The following PALS1 variants were observed in gnomAD, a reference collection of about 807,000 sequenced individuals.
PALS1 encodes protein PALS1.
A neutral mutation model predicts 78.9 loss-of-function variants in PALS1; 31 were observed. The ratio of observed to expected loss-of-function variants is 0.39; its 90% CI spans 0.30 to 0.53. The LOEUF is 0.53. Among genes scored for constraint, PALS1 ranks in the 20% least tolerant of loss-of-function variants. The probability of loss-of-function intolerance (pLI) is 0.67; values close to 1 mark genes in which losing one functional copy is unlikely to be tolerated. For missense variants in PALS1, 704 were observed against 826.5 expected (o/e 0.85, Z 1.82); for synonymous variants, 276 against 270.9 (o/e 1.02, Z -0.18).
intron 1 of PALS1, among the ~76,000 whole-genome samples, chr14:67,247,613 T>C (rs1831991414): frequency 6.6e-6 from 1 of 152,046 alleles, no homozygotes; most frequent in African/African-American, 2.4e-5. Flanking sequence ...AGGGTCTCAC[T>C]CTATCCCCAG....
chr14:67,313,630 G>A (rs1010048209), intron 9 of PALS1, among the ~76,000 whole-genome samples: 1 of 152,132 alleles, frequency 6.6e-6, no homozygotes, highest in East Asian at 1.9e-4. Flanking sequence ...GATAAAAATA[G>A]GGATATAGAG....
chr14:67,301,213 CTGT>C (rs1595598116), intron 4 of PALS1, among the ~76,000 whole-genome samples, 173 bp from the exon 5 acceptor site: 1 of 151,870 alleles, frequency 6.6e-6, no homozygotes, highest in East Asian at 1.9e-4. Flanking sequence ...ATAAGAAATA[CTGT>C]TGTTTTATCC....
At chr14:67,295,489 C>CA (rs149488871) in intron 4 of PALS1, among the ~76,000 whole-genome samples, 22,739 of 112,740 alleles carry the variant, frequency 0.2, 3,156 homozygotes, top group East Asian at 0.47. Context: ...GACCCTGTCT[C>CA]AAAAAAAAAA....
chr14:67,292,548 A>G lies in PALS1; in HGVS notation c.405A>G (p.Gln135=), dbSNP rs1299599689. The part of the protein sequence containing the change: ...EDLFSSLKHI[Q]HTLVDSQSQE... ...TGTTTTCTTCACTTAAACATATCCA[A>G]CATACTTTGGTAGATTCTCAGAGCC... The change falls in exon 4 of 15, where the codon CAA becomes CAG. Residue 135 remains glutamine, a synonymous_variant. Transcript: ENST00000261681. 22 of 1,613,186 alleles carry G rather than the reference A, an allele frequency of 1.4e-5. No homozygotes were observed. Among genetic ancestry groups the G allele is most frequent in the African/African-American group, 2.7e-5 (2 of 74,904 alleles).
At chr14:67,295,104 A>AGTGTGTGTGTGTGTGTGTGTGT (rs10646700) in intron 4 of PALS1, 10 of 138,012 alleles carry the variant, frequency 7.2e-5, no homozygotes, top group African/African-American at 2.9e-4. Flanking sequence ...GAGATATTGA[A>AGTGTGTGTGTGTGTGTGTGTGT]GTGTGTGTGT....
chr14:67,266,164 A>G (rs1351388634), intron 1 of PALS1, among the ~76,000 whole-genome samples: 2 of 152,186 alleles, frequency 1.3e-5, no homozygotes, highest in East Asian at 3.9e-4. Context: ...TACTTTGAAT[A>G]TATGTTTAAA....
chr14:67,246,690 C>T (rs962492826), intron 1 of PALS1, among the ~76,000 whole-genome samples: 6 of 124,466 alleles, frequency 4.8e-5, no homozygotes, highest in Admixed American at 2.0e-4. Context: ...CTTGCTCTCT[C>T]GCCAGGCTGG....
rs1432692779 is a variant in PALS1 at position 67,334,779 on chromosome 14, T to C, written c.*1823T>C. On this transcript the variant is annotated 3_prime_UTR_variant, in exon 15 of 15. Transcript: ENST00000261681. ...AAATTTCACAGGTCACACCGATTTT[T>C]AGCATTAAAAACTAAGGAATATACT... 6.6e-6 allele frequency: 1 copy of C among 152,244 alleles called. No homozygotes were observed. Among genetic ancestry groups the C allele is most frequent in the Non-Finnish European group, 1.5e-5 (1 of 68,042 alleles). 9.4% of individuals were successfully genotyped at this position (152,244 alleles called of 1,614,324 possible).
At chr14:67,266,869 G>A (rs2084334707) in intron 1 of PALS1, among the ~76,000 whole-genome samples, 1 of 151,968 alleles carries the variant, frequency 6.6e-6, no homozygotes, top group Admixed American at 6.5e-5. Context: ...CAGCATGTTG[G>A]GAGGCCGAGG....
In PALS1 at chr14:67,256,318, G is replaced by A. The variant is rs1056328099; in HGVS notation, c.-236-13383G>A. 1.3e-3 allele frequency among the ~76,000 whole-genome samples: 192 copies of A among 152,116 alleles called. 1 individual carries two copies. Among genetic ancestry groups the A allele is most frequent in the African/African-American group, 1.3e-3 (54 of 41,514 alleles). ...TCTGAAGCTTGCCTTTTTCACTTGC[G>A]TTTGTTTCATGTCAGTTCATAAAGA... On this transcript the variant is annotated intron_variant, in intron 1 of 14. Transcript: ENST00000261681.
chr14:67,294,153 A>T (rs2084811219), intron 4 of PALS1, among the ~76,000 whole-genome samples: 1 of 152,198 alleles, frequency 6.6e-6, no homozygotes, highest in African/African-American at 2.4e-5. Flanking sequence ...AGGATAGTTC[A>T]CTATTTTAAA....
intron 14 of PALS1, among the ~76,000 whole-genome samples, chr14:67,326,251 T>C: frequency 8.2e-6 from 1 of 122,630 alleles, no homozygotes; most frequent in Non-Finnish European, 1.7e-5. Flanking sequence ...TTTTTTTTTT[T>C]TTTTTTTTGA....
chr14:67,303,667 T>A, intron 8 of PALS1, 68 bp downstream of exon 8: 5 of 1,097,462 alleles, frequency 4.6e-6, no homozygotes, highest in Non-Finnish European at 7.0e-6. Flanking sequence ...TACTGTTTAC[T>A]GTTACAGAAA....
chr14:67,300,459 C>G (rs182755215), intron 4 of PALS1, among the ~76,000 whole-genome samples: 1 of 152,054 alleles, frequency 6.6e-6, no homozygotes, highest in Non-Finnish European at 1.5e-5. Context: ...TCTTGAGTAG[C>G]TGGAATTACA....
chr14:67,303,301 A>G (rs1482032972), intron 7 of PALS1, among the ~76,000 whole-genome samples: 1 of 152,224 alleles, frequency 6.6e-6, no homozygotes, highest in Non-Finnish European at 1.5e-5. Flanking sequence ...TTACAGTGGA[A>G]TCTGTACTAT....
chr14:67,312,523 T>C lies in PALS1; in HGVS notation c.1042-4T>C, dbSNP rs1256563884. The stretch of plus-strand genomic sequence containing the variant: ...TTGTTGTTTTTGCCCTTTTTATCTT[T>C]TAGATCCATGTAAAAGCTCATTTTG... On this transcript the variant is annotated splice_region_variant and splice_polypyrimidine_tract_variant and intron_variant, in intron 8 of 14. Coordinates refer to ENST00000261681, the MANE Select transcript of PALS1 (RefSeq NM_022474.4). 1 of 1,564,596 alleles carries C rather than the reference T, an allele frequency of 6.4e-7. No homozygotes were observed.
chr14:67,294,078 CT>C (rs1471038911), intron 4 of PALS1, among the ~76,000 whole-genome samples: 1 of 152,098 alleles, frequency 6.6e-6, no homozygotes, highest in Non-Finnish European at 1.5e-5. Context: ...TTAAAAAGGA[CT>C]TTAAAAAAGA....
At chr14:67,285,891 T>C (rs2084677600) in intron 3 of PALS1, among the ~76,000 whole-genome samples, 1 of 152,278 alleles carries the variant, frequency 6.6e-6, no homozygotes, top group South Asian at 2.1e-4. Flanking sequence ...ATGTGTATGT[T>C]TGTATTCATC....
At chr14:67,278,002 T>G (rs1445568648) in intron 2 of PALS1, among the ~76,000 whole-genome samples, 1 of 152,130 alleles carries the variant, frequency 6.6e-6, no homozygotes, top group African/African-American at 2.4e-5. Context: ...TTTCTCTAAA[T>G]GAATCCTTGT....
Sources: gnomAD v4.1 joint callset for allele counts (sites outside exome capture counted in the v4.1 genomes callset) on GRCh38, gnomAD v4.1.1 for gene constraint, MANE v1.5 for transcripts, NCBI Gene and HGNC (gene_info 2026-07-23, HGNC 2026-07-21) for gene names.